Variants in MIS18BP1 observed in about 807,000 individuals in gnomAD.
The protein encoded by MIS18BP1 is mis18-binding protein 1.
In MIS18BP1, 72 loss-of-function variants were observed where a neutral mutation model predicts 116.1. That is an observed-to-expected ratio of 0.62 (90% CI 0.51 to 0.75). The LOEUF is 0.75. MIS18BP1 is among the 30% of genes least tolerant of loss of function. MIS18BP1 has a pLI of 0.00. For missense variants in MIS18BP1, 1,363 were observed against 1,303.2 expected (o/e 1.05, Z -0.71); for synonymous variants, 386 against 427.0 (o/e 0.90, Z 1.18).
intron 11 of MIS18BP1, among the ~76,000 whole-genome samples, chr14:45,220,189 C>T (rs1368000083): frequency 1.3e-5 from 2 of 152,006 alleles, no homozygotes; most frequent in Admixed American, 6.6e-5. Context: ...CCTCCAACTT[C>T]TGGGCTCAGG....
chr14:45,224,261 T>C lies in MIS18BP1; in HGVS notation c.2326A>G (p.Ser776Gly). The change falls in exon 11 of 17, where the codon AGT becomes GGT. Residue 776 changes from serine to glycine, a missense_variant. Transcript: ENST00000310806. ...CTTTTAATTTCCTTTTCTGTTTCAC[T>C]TTCTTCACTTGACAAATCTGGTGAG... ...QSSPDLSSEE[S>G]ETEKEIKRKA... 6.2e-7 allele frequency: 1 copy of C among 1,613,934 alleles called. No homozygotes were observed. The highest frequency in any genetic ancestry group is 1.7e-5 in the Admixed American group (1 of 60,026).
In MIS18BP1 at chr14:45,223,985, A is replaced by C. The variant is rs867624102; in HGVS notation, c.2602T>G (p.Leu868Val). Residue 868 changes from leucine (L) to valine (V), a missense_variant, in exon 11 of 17, where the codon TTA becomes GTA. Coordinates refer to ENST00000310806, the MANE Select transcript of MIS18BP1 (RefSeq NM_018353.5). ...TGAATTAAACCAGGTAAGCATTCTA[A>C]GGGATGCCTATTTGTCTTATCAGAT... ...VGSDKTNRHP[L>V]ECLPGLIQDK... The C allele has an allele frequency of 3.1e-6, 5 of 1,611,836 alleles. No individual in the cohort carries two copies. The Admixed American group carries it at 5.0e-5, about 16-fold the overall frequency.
At position 45,232,760 on chromosome 14, in the gene MIS18BP1, T is replaced by C; in HGVS notation, c.1409A>G (p.His470Arg). 6.8e-7 allele frequency: 1 copy of C among 1,479,346 alleles called. No individual in the cohort carries two copies. The highest frequency in any genetic ancestry group is 9.2e-7 in the Non-Finnish European group (1 of 1,087,590). 91.6% of individuals were successfully genotyped at this position (1,479,346 alleles called of 1,614,324 possible). ...MFGFPENWKE[H>R]IDNFLEQLRA... Reference sequence around the variant, plus strand: ...TAATTGTTCCAGAAAATTATCAATGTGCTCTTTCCAATTTTCTGGAAATCC... The same window carrying C: ...TAATTGTTCCAGAAAATTATCAATGCGCTCTTTCCAATTTTCTGGAAATCC... The change falls in exon 7 of 17, where the codon CAC becomes CGC. Residue 470 changes from histidine (H) to arginine (R), a missense_variant. Coordinates refer to ENST00000310806, the MANE Select transcript of MIS18BP1 (RefSeq NM_018353.5).
At chr14:45,220,734 C>T (rs1270431082) in intron 11 of MIS18BP1, among the ~76,000 whole-genome samples, 3 of 152,068 alleles carry the variant, frequency 2.0e-5, no homozygotes, top group Non-Finnish European at 4.4e-5. Context: ...GTAGAAAGTA[C>T]GACAGAAATC....
Position 45,242,202 on chromosome 14 carries a change from T to C in MIS18BP1, c.975A>G (p.Thr325=), listed in dbSNP as rs1891596748. The change falls in exon 4 of 17, where the codon ACA becomes ACG. Residue 325 remains threonine, a synonymous_variant. Transcript: ENST00000310806. ...QQKVKEGNGK[T]VPGETGLPGS... ...CTGGAAGACCTGTCTCTCCAGGCAC[T>C]GTTTTTCCATTTCCTTCCTTAACTT... 1 of 1,614,184 alleles carries C rather than the reference T, an allele frequency of 6.2e-7. No individual in the cohort carries two copies. The highest frequency in any genetic ancestry group is 8.5e-7 in the Non-Finnish European group (1 of 1,179,998).
At chr14:45,210,296 G>A in intron 14 of MIS18BP1, 84 bp downstream of exon 14, 2 of 1,335,540 alleles carry the variant, frequency 1.5e-6, no homozygotes, top group Non-Finnish European at 2.1e-6. Flanking sequence ...CCCATTACTG[G>A]CATCTATGGT....
At chr14:45,237,912 A>C (rs879134435) in intron 4 of MIS18BP1, among the ~76,000 whole-genome samples, 191 bp from the exon 5 acceptor site, 10 of 152,170 alleles carry the variant, frequency 6.6e-5, no homozygotes, top group Admixed American at 3.3e-4. Flanking sequence ...ACAGAAAAGA[A>C]AAGACTGAAT....
chr14:45,247,643 T>C (rs1891758213), intron 1 of MIS18BP1, among the ~76,000 whole-genome samples: 1 of 151,986 alleles, frequency 6.6e-6, no homozygotes, highest in African/African-American at 2.4e-5. Flanking sequence ...AAGGCCACAG[T>C]GAGTCATGAT....
chr14:45,214,120 T>C (rs571414574), intron 13 of MIS18BP1, among the ~76,000 whole-genome samples: 1 of 152,070 alleles, frequency 6.6e-6, no homozygotes, highest in Non-Finnish European at 1.5e-5. Flanking sequence ...GACCTTACTG[T>C]CCCCCAGCCC....
At chr14:45,230,876 C>G (rs1891254319) in intron 8 of MIS18BP1, among the ~76,000 whole-genome samples, 1 of 152,174 alleles carries the variant, frequency 6.6e-6, no homozygotes, top group Non-Finnish European at 1.5e-5. Flanking sequence ...GCGCTTCAGC[C>G]TCCCAAAGTG....
intron 14 of MIS18BP1, 75 bp from the exon 15 acceptor site, chr14:45,206,245 C>A: frequency 1.1e-6 from 1 of 941,344 alleles, no homozygotes; most frequent in Admixed American, 2.4e-5. Flanking sequence ...AACTGTCATA[C>A]TTTTAACCAC....
At chr14:45,216,957 A>C in intron 13 of MIS18BP1, 62 bp downstream of exon 13, 2 of 1,544,458 alleles carry the variant, frequency 1.3e-6, no homozygotes, top group Non-Finnish European at 1.8e-6. Flanking sequence ...ACTACCATAC[A>C]TAAAAATGAA....
chr14:45,232,342 C>A (rs927912242), intron 7 of MIS18BP1, among the ~76,000 whole-genome samples: 1 of 145,684 alleles, frequency 6.9e-6, no homozygotes, highest in Non-Finnish European at 1.5e-5. Flanking sequence ...GCGTGAACCC[C>A]AGAGGCGGAG....
At chr14:45,214,397 CAG>C (rs1890757828) in intron 13 of MIS18BP1, among the ~76,000 whole-genome samples, 1 of 152,204 alleles carries the variant, frequency 6.6e-6, no homozygotes. Flanking sequence ...GTTTATGACA[CAG>C]AGACCTTTGT....
At chr14:45,218,228 G>T in intron 12 of MIS18BP1, 54 bp downstream of exon 12, 1 of 1,485,212 alleles carries the variant, frequency 6.7e-7, no homozygotes. Flanking sequence ...TGATTTCAGT[G>T]ATCAGAAATC....
At position 45,242,935 on chromosome 14, in the gene MIS18BP1, CAGCTTTTAAAATTCTTGAAATAA is replaced by C. The variant is rs1891625339; in HGVS notation, c.545-84_545-62del. The C allele has an allele frequency of 2.6e-6, 3 of 1,135,478 alleles. No individual in the cohort carries two copies. In the South Asian group the frequency reaches 4.3e-5, roughly 16 times the overall value. The allele number at this position is 1,135,478 out of a possible 1,614,324, so 70.3% of individuals were successfully genotyped here. A position where few individuals can be genotyped will look rare whatever the true frequency, so the allele number is the denominator to read the frequency against. On this transcript the variant is annotated intron_variant, in intron 2 of 16. Coordinates refer to ENST00000310806, the MANE Select transcript of MIS18BP1 (RefSeq NM_018353.5). ...ATTGTATTAGTCACTAAGAAAAAAA[CAGCTTTTAAAATTCTTGAAATAA>C]AGACACTTAGATTTAGTAATGATCA... is the stretch of plus-strand genomic sequence containing the variant.
In MIS18BP1 at chr14:45,224,725, A is replaced by T; in HGVS notation, c.1862T>A (p.Val621Glu). 3 of 1,583,464 alleles carry T rather than the reference A, an allele frequency of 1.9e-6. No individual in the cohort carries two copies. Among genetic ancestry groups the T allele is most frequent in the Non-Finnish European group, 2.6e-6 (3 of 1,170,332 alleles). Residue 621 changes from valine (V) to glutamate (E), a missense_variant, in exon 11 of 17, where the codon GTA (valine) becomes GAA (glutamate). Physicochemically the swap from Val to Glu is moderately radical, Grantham distance 121 (BLOSUM62 -2). Transcript: ENST00000310806. ...CCTTGAGGTTAGAATATCAATGGAT[A>T]CATCCAATTCTTCAGTTGTCTCTTT... Reference protein sequence around the residue: ...QKQETTEELDVSIDILTSREQ... With the variant: ...QKQETTEELDESIDILTSREQ...
intron 5 of MIS18BP1, among the ~76,000 whole-genome samples, chr14:45,236,209 C>T (rs188141302): frequency 6.6e-6 from 1 of 152,298 alleles, no homozygotes; most frequent in East Asian, 1.9e-4. Context: ...GTCTCAGTAT[C>T]TGATGCTGGC....
chr14:45,237,554 GC>G, intron 5 of MIS18BP1, 93 bp downstream of exon 5: 1 of 1,429,146 alleles, frequency 7.0e-7, no homozygotes. Flanking sequence ...TTAGGTCTTT[GC>G]TTTGTGGAGG....
Sources: allele counts gnomAD v4.1 joint callset (sites outside exome capture counted in the v4.1 genomes callset), GRCh38; gene constraint gnomAD v4.1.1; transcripts MANE v1.5; gene names NCBI Gene and HGNC (gene_info 2026-07-23, HGNC 2026-07-21).